Variants in GMDS observed in about 807,000 individuals in gnomAD.
GMDS encodes the protein GDP-mannose 4,6 dehydratase.
A neutral mutation model predicts 49.9 loss-of-function variants in GMDS; 20 were observed. That is an observed-to-expected ratio of 0.40 (90% CI 0.28 to 0.58). The LOEUF (loss-of-function observed/expected upper bound fraction) is 0.58. Ranked by LOEUF, GMDS falls within the 20% of genes least tolerant of loss-of-function variation. GMDS has a pLI of 0.42. For synonymous variants in GMDS, 177 were observed against 178.6 expected (o/e 0.99, Z 0.07); for missense variants, 362 against 481.4 (o/e 0.75, Z 2.32).
intron 7 of GMDS, among the ~76,000 whole-genome samples, chr6:1,748,051 C>T (rs991281958): frequency 6.6e-5 from 10 of 152,304 alleles, no homozygotes; most frequent in Middle Eastern, 3.4e-3. Context: ...TCTATATCAA[C>T]ACCATATGTA....
intron 7 of GMDS, among the ~76,000 whole-genome samples, chr6:1,765,563 AT>A (rs1296772577): frequency 6.6e-6 from 1 of 152,182 alleles, no homozygotes; most frequent in Admixed American, 6.5e-5. Context: ...AATAACATTC[AT>A]TTCATTGTCT....
intron 7 of GMDS, among the ~76,000 whole-genome samples, chr6:1,815,315 A>G (rs1279674043): frequency 1.3e-5 from 2 of 152,238 alleles, no homozygotes; most frequent in East Asian, 3.8e-4. Context: ...ATGCAAATGT[A>G]TATAATAAGG....
rs1762226602 is a variant in GMDS at position 1,930,247 on chromosome 6, G to A, written c.644-17C>T. 6.2e-7 allele frequency: 1 copy of A among 1,609,880 alleles called. No individual in the cohort carries two copies. Among genetic ancestry groups the A allele is most frequent in the Non-Finnish European group, 8.5e-7 (1 of 1,177,470 alleles). ...AATTAGCTCCTAAAAAGAGGCAAAA[G>A]ATGTAGTATCAGTCAAGTGCACTTG... On this transcript the variant is annotated splice_polypyrimidine_tract_variant and intron_variant, in intron 6 of 10. Transcript: ENST00000380815.
chr6:2,058,735 T>C (rs1770928040), intron 4 of GMDS, among the ~76,000 whole-genome samples: 1 of 152,128 alleles, frequency 6.6e-6, no homozygotes, highest in African/African-American at 2.4e-5. Flanking sequence ...TTTCTAAATA[T>C]TGTCATGTGA....
intron 7 of GMDS, among the ~76,000 whole-genome samples, chr6:1,769,410 T>G (rs1182753845): frequency 6.6e-6 from 1 of 152,254 alleles, no homozygotes; most frequent in East Asian, 1.9e-4. Context: ...CCAAGTTATA[T>G]TCACACTGAA....
chr6:1,761,678 A>G (rs1340262655), intron 7 of GMDS, among the ~76,000 whole-genome samples: 1 of 152,208 alleles, frequency 6.6e-6, no homozygotes, highest in African/African-American at 2.4e-5. Context: ...AATGAGTGTC[A>G]AAATATTGTT....
At chr6:2,197,046 C>G (rs234941) in intron 1 of GMDS, among the ~76,000 whole-genome samples, 6,148 of 152,250 alleles carry the variant, frequency 0.04, 254 homozygotes, top group South Asian at 0.13. Flanking sequence ...AGCAGTCCCA[C>G]ACCCTTCCTA....
intron 7 of GMDS, among the ~76,000 whole-genome samples, chr6:1,884,116 G>A (rs898148037): frequency 2.0e-5 from 3 of 152,156 alleles, no homozygotes; most frequent in Non-Finnish European, 2.9e-5. Flanking sequence ...ACCTGAAATA[G>A]TCATTTCCTT....
intron 4 of GMDS, among the ~76,000 whole-genome samples, chr6:2,087,206 G>C (rs1773064609): frequency 6.6e-6 from 1 of 152,138 alleles, no homozygotes; most frequent in Non-Finnish European, 1.5e-5. Flanking sequence ...AGATGGACAA[G>C]GAAAGCTGTC....
chr6:1,710,291 C>T (rs1467860861), intron 9 of GMDS, among the ~76,000 whole-genome samples: 1 of 152,134 alleles, frequency 6.6e-6, no homozygotes, highest in East Asian at 1.9e-4. Context: ...GAAGCTTAAC[C>T]ACATTACTGC....
At chr6:2,038,707 AT>A in intron 4 of GMDS, among the ~76,000 whole-genome samples, 2 of 95,486 alleles carry the variant, frequency 2.1e-5, no homozygotes, top group Non-Finnish European at 5.2e-5. Context: ...GCTGAGTAAC[AT>A]AAGCACATAA....
intron 8 of GMDS, among the ~76,000 whole-genome samples, chr6:1,734,440 G>T (rs377167976): frequency 3.3e-5 from 5 of 152,206 alleles, no homozygotes; most frequent in African/African-American, 1.2e-4. Flanking sequence ...CATCTGCAGT[G>T]CATAAATGGA....
intron 7 of GMDS, among the ~76,000 whole-genome samples, chr6:1,851,640 G>C (rs1757678706): frequency 6.6e-6 from 1 of 152,122 alleles, no homozygotes; most frequent in Non-Finnish European, 1.5e-5. Flanking sequence ...AGCTAATGAG[G>C]AAGTGATCAC....
chr6:2,116,821 C>T (rs1016644195), intron 3 of GMDS, among the ~76,000 whole-genome samples: 3 of 152,114 alleles, frequency 2.0e-5, no homozygotes, highest in African/African-American at 7.2e-5. Flanking sequence ...CTTCACAGTG[C>T]GCAACCTCAG....
At chr6:1,882,530 T>C (rs891948461) in intron 7 of GMDS, among the ~76,000 whole-genome samples, 1 of 152,046 alleles carries the variant, frequency 6.6e-6, no homozygotes, top group Non-Finnish European at 1.5e-5. Context: ...AGAATAATCA[T>C]GACACAGAAT....
chr6:1,850,897 T>C (rs1175918607), intron 7 of GMDS, among the ~76,000 whole-genome samples: 1 of 152,228 alleles, frequency 6.6e-6, no homozygotes, highest in Non-Finnish European at 1.5e-5. Flanking sequence ...TGACTTGTGT[T>C]CTTTATGATG....
At chr6:1,793,856 C>A (rs886722772) in intron 7 of GMDS, among the ~76,000 whole-genome samples, 5 of 152,090 alleles carry the variant, frequency 3.3e-5, no homozygotes, top group African/African-American at 1.2e-4. Flanking sequence ...AAAGTTTGAC[C>A]AGCTTATTGC....
intron 4 of GMDS, among the ~76,000 whole-genome samples, chr6:2,003,885 T>C (rs1766987048): frequency 6.6e-6 from 1 of 152,194 alleles, no homozygotes; most frequent in Non-Finnish European, 1.5e-5. Context: ...CCAAGACAGC[T>C]ATTTTGCACT....
At chr6:1,838,586 G>A (rs181029673) in intron 7 of GMDS, among the ~76,000 whole-genome samples, 112 of 152,256 alleles carry the variant, frequency 7.4e-4, no homozygotes, top group African/African-American at 2.1e-3. Context: ...ATAAAATATC[G>A]AAAATAGCTG....
Sources: allele counts gnomAD v4.1 joint callset (sites outside exome capture counted in the v4.1 genomes callset), GRCh38; gene constraint gnomAD v4.1.1; transcripts MANE v1.5; gene names NCBI Gene and HGNC (gene_info 2026-07-23, HGNC 2026-07-21).